ABLIM3: variants seen among roughly 807,000 people sequenced by gnomAD.
ABLIM3 encodes the protein actin binding LIM protein family member 3, also known as actin-binding LIM protein 3.
A neutral mutation model predicts 109.5 loss-of-function variants in ABLIM3; 61 were observed. The ratio of observed to expected loss-of-function variants is 0.56; its 90% confidence interval spans 0.45 to 0.69. The LOEUF (loss-of-function observed/expected upper bound fraction) is 0.69, where lower values mean the gene tolerates loss of function less well. Ranked by LOEUF, ABLIM3 falls within the 30% of genes least tolerant of loss-of-function variation. The pLI is 0.00. For synonymous variants in ABLIM3, 300 were observed against 324.8 expected, an observed-to-expected ratio of 0.92 and a Z score of 0.82; for missense variants, 796 against 889.5, an observed-to-expected ratio of 0.89 and a Z score of 1.34.
chr5:149,228,094 A>G (rs1448603355), intron 8 of ABLIM3, among the ~76,000 whole-genome samples: 1 of 152,184 alleles, frequency 6.6e-6, no homozygotes, highest in Admixed American at 6.5e-5. Context: ...CCTTCCTAAT[A>G]TCACTGCTGA....
Position 149,233,261 on chromosome 5 carries a change from C to T in ABLIM3, c.849C>T (p.Pro283=). 2 of 1,614,192 alleles carry T rather than the reference C, an allele frequency of 1.2e-6. No individual in the cohort carries two copies. The highest frequency in any genetic ancestry group is 1.1e-5 in the South Asian group (1 of 91,076). Reference sequence around the variant, plus strand: ...GGACATCTGAAACCTCCATCTCACCCCCTGGATCCAGCATTGGGTCACCCA... The same window carrying T: ...GGACATCTGAAACCTCCATCTCACCTCCTGGATCCAGCATTGGGTCACCCA... The part of the protein sequence containing the change: ...HRRTSETSIS[P]PGSSIGSPNR... The change falls in exon 10 of 24, where the codon CCC becomes CCT. Residue 283 remains proline, a synonymous_variant. Coordinates refer to ENST00000309868, the MANE Select transcript of ABLIM3 (RefSeq NM_014945.5).
intron 2 of ABLIM3, among the ~76,000 whole-genome samples, chr5:149,159,933 A>G (rs1429640010): frequency 3.3e-5 from 5 of 152,122 alleles, no homozygotes; most frequent in Non-Finnish European, 7.4e-5. Flanking sequence ...CTGGTTTTCC[A>G]CAAACAGCCC....
intron 22 of ABLIM3, 149 bp from the exon 23 acceptor site, chr5:149,252,608 A>G: frequency 1.5e-6 from 1 of 666,210 alleles, no homozygotes. Context: ...ACTGCTGGGC[A>G]ACCCCAAGAA....
chr5:149,238,227 A>C (rs1213236288), intron 11 of ABLIM3, among the ~76,000 whole-genome samples: 1 of 152,154 alleles, frequency 6.6e-6, no homozygotes, highest in Non-Finnish European at 1.5e-5. Context: ...TTGGGGGCAG[A>C]ATTACCCTGG....
intron 7 of ABLIM3, among the ~76,000 whole-genome samples, chr5:149,211,955 T>G (rs1263257971): frequency 6.6e-6 from 1 of 152,098 alleles, no homozygotes; most frequent in African/African-American, 2.4e-5. Context: ...TTTGGCTGAA[T>G]TAATGATTCT....
At chr5:149,175,958 A>G (rs1755889013) in intron 2 of ABLIM3, among the ~76,000 whole-genome samples, 2 of 152,352 alleles carry the variant, frequency 1.3e-5, no homozygotes, top group Admixed American at 6.5e-5. Context: ...AGCCTGGCAG[A>G]GAGAAGCTGC....
intron 2 of ABLIM3, among the ~76,000 whole-genome samples, chr5:149,170,715 C>G (rs1199436387): frequency 6.6e-6 from 1 of 152,202 alleles, no homozygotes; most frequent in Non-Finnish European, 1.5e-5. Flanking sequence ...CCAGACTACA[C>G]AAATTCAGTT....
intron 13 of ABLIM3, 57 bp from the exon 14 acceptor site, chr5:149,240,619 A>G (rs1752716895): frequency 7.2e-7 from 1 of 1,396,102 alleles, no homozygotes; most frequent in African/African-American, 1.4e-5. Flanking sequence ...CACCGCGTTA[A>G]TGCCTGTTTT....
chr5:149,252,840 A>G lies in ABLIM3; in HGVS notation c.1938+3A>G, dbSNP rs761610219. The G allele has an allele frequency of 3.7e-6, 6 of 1,612,144 alleles. No individual in the cohort carries two copies. Among genetic ancestry groups the G allele is most frequent in the Non-Finnish European group, 2.5e-6 (3 of 1,178,458 alleles). ...ATGTAGACAGGACCCGTTTAGAGGT[A>G]AGTCTAAAAAACTGAGCAGGAGCTC... On this transcript the variant is annotated splice_donor_region_variant and intron_variant, in intron 23 of 23. Transcript: ENST00000309868.
intron 2 of ABLIM3, among the ~76,000 whole-genome samples, chr5:149,170,509 C>T (rs1471347497): frequency 6.6e-6 from 1 of 152,068 alleles, no homozygotes; most frequent in East Asian, 1.9e-4. Flanking sequence ...CAGGCCCCAC[C>T]CAAACCCCAT....
At chr5:149,237,222 G>A (rs1029071735) in intron 10 of ABLIM3, among the ~76,000 whole-genome samples, 1 of 152,186 alleles carries the variant, frequency 6.6e-6, no homozygotes, top group South Asian at 2.1e-4. Flanking sequence ...TAAAGCACAG[G>A]GCTTACAAAC....
chr5:149,143,138 G>A (rs567167749), intron 2 of ABLIM3, among the ~76,000 whole-genome samples: 117 of 152,172 alleles, frequency 7.7e-4, no homozygotes, highest in African/African-American at 2.7e-3. Flanking sequence ...GCAGAGGCAG[G>A]TGGATCACGA....
chr5:149,223,715 T>C (rs1334893082), intron 8 of ABLIM3, among the ~76,000 whole-genome samples: 1 of 152,144 alleles, frequency 6.6e-6, no homozygotes, highest in Non-Finnish European at 1.5e-5. Flanking sequence ...CATGTCCCGC[T>C]AAGCTCAGCA....
chr5:149,194,703 C>A (rs1757789755), intron 3 of ABLIM3, among the ~76,000 whole-genome samples: 1 of 152,134 alleles, frequency 6.6e-6, no homozygotes, highest in South Asian at 2.1e-4. Context: ...ACTCCATCAA[C>A]ATAAAGTTCA....
At chr5:149,203,256 C>T (rs1273007232) in intron 5 of ABLIM3, among the ~76,000 whole-genome samples, 2 of 151,980 alleles carry the variant, frequency 1.3e-5, no homozygotes. Context: ...TCACCACCAA[C>T]ACCACTGCCA....
intron 3 of ABLIM3, among the ~76,000 whole-genome samples, chr5:149,189,020 G>T (rs1757233083): frequency 6.6e-6 from 1 of 152,132 alleles, no homozygotes; most frequent in Admixed American, 6.5e-5. Context: ...GATAGGCATA[G>T]AAATGAATAA....
intron 3 of ABLIM3, among the ~76,000 whole-genome samples, chr5:149,190,915 A>G (rs553312665): frequency 2.6e-5 from 4 of 152,194 alleles, no homozygotes; most frequent in African/African-American, 9.7e-5. Context: ...CAAAAATGCT[A>G]TGTATCAAAA....
intron 5 of ABLIM3, among the ~76,000 whole-genome samples, chr5:149,203,597 T>C (rs1164969131): frequency 6.6e-6 from 1 of 151,564 alleles, no homozygotes; most frequent in Non-Finnish European, 1.5e-5. Flanking sequence ...TCACCATCAA[T>C]ACCATTGTCA....
chr5:149,143,538 A>G (rs564739333), intron 2 of ABLIM3, among the ~76,000 whole-genome samples: 1 of 147,070 alleles, frequency 6.8e-6, no homozygotes, highest in African/African-American at 2.5e-5. Flanking sequence ...ACCTCCTAGC[A>G]TGGAAGAGAA....
Sources: gnomAD v4.1 joint callset for allele counts (sites outside exome capture counted in the v4.1 genomes callset) on GRCh38, gnomAD v4.1.1 for gene constraint, MANE v1.5 for transcripts, NCBI Gene and HGNC (gene_info 2026-07-23, HGNC 2026-07-21) for gene names.